The following SNAP91 variants were observed in gnomAD, a reference collection of about 807,000 sequenced individuals.
SNAP91 encodes the protein clathrin coat assembly protein AP180.
In SNAP91, 27 loss-of-function variants were observed where a neutral mutation model predicts 100.3. The observed-to-expected ratio is 0.27, with a 90% confidence interval of 0.20 to 0.37. SNAP91 has a LOEUF of 0.37. Ranked by LOEUF, SNAP91 falls within the 10% of genes least tolerant of loss-of-function variation. The pLI, the probability that SNAP91 is intolerant of heterozygous loss-of-function variation, is 1.00. For synonymous variants in SNAP91, 404 were observed against 398.6 expected, an observed-to-expected ratio of 1.01 and a Z score of -0.16; for missense variants, 986 against 1,123.7, an observed-to-expected ratio of 0.88 and a Z score of 1.75.
At chr6:83,661,023 T>G (rs1209259496) in intron 5 of SNAP91, among the ~76,000 whole-genome samples, 1 of 152,114 alleles carries the variant, frequency 6.6e-6, no homozygotes, top group African/African-American at 2.4e-5. Context: ...GCCCAGGCTG[T>G]TCTTTAACTC....
At chr6:83,621,276 T>C (rs891858669) in intron 9 of SNAP91, among the ~76,000 whole-genome samples, 4 of 152,222 alleles carry the variant, frequency 2.6e-5, no homozygotes, top group Admixed American at 2.6e-4. Context: ...TCCATGTCTC[T>C]GCAAAGTACA....
intron 2 of SNAP91, among the ~76,000 whole-genome samples, chr6:83,707,150 G>C (rs1048181429): frequency 3.3e-5 from 5 of 152,258 alleles, no homozygotes; most frequent in South Asian, 2.1e-4. Flanking sequence ...CATTTTCTGA[G>C]AATGGGACAA....
intron 16 of SNAP91, among the ~76,000 whole-genome samples, chr6:83,600,634 A>G (rs2095082728): frequency 6.6e-6 from 1 of 152,200 alleles, no homozygotes; most frequent in Non-Finnish European, 1.5e-5. Flanking sequence ...ATATTTTTAG[A>G]CAATCATTTC....
chr6:83,682,621 T>C (rs1366681070), intron 2 of SNAP91, among the ~76,000 whole-genome samples: 11 of 152,068 alleles, frequency 7.2e-5, no homozygotes, highest in Non-Finnish European at 5.9e-5. Flanking sequence ...TTAGGGTACA[T>C]GTGCACAACG....
At chr6:83,632,920 G>A (rs1418981503) in intron 8 of SNAP91, among the ~76,000 whole-genome samples, 2 of 152,182 alleles carry the variant, frequency 1.3e-5, no homozygotes, top group South Asian at 2.1e-4. Flanking sequence ...TCCATTGCTG[G>A]TGAGCTAGTG....
At chr6:83,616,420 T>C (rs2096487780) in intron 10 of SNAP91, among the ~76,000 whole-genome samples, 2 of 152,180 alleles carry the variant, frequency 1.3e-5, no homozygotes, top group Non-Finnish European at 2.9e-5. Context: ...CACAGAGGTA[T>C]GAAAATCTAG....
intron 3 of SNAP91, among the ~76,000 whole-genome samples, chr6:83,663,245 C>T (rs2098598374): frequency 6.6e-6 from 1 of 152,052 alleles, no homozygotes; most frequent in Non-Finnish European, 1.5e-5. Context: ...CTACAATGAC[C>T]TCTAGATATT....
chr6:83,592,519 T>A lies in SNAP91; in HGVS notation c.1866A>T (p.Pro622=). 6.2e-7 allele frequency: 1 copy of A among 1,609,536 alleles called. No homozygotes were observed. The highest frequency in any genetic ancestry group is 1.1e-5 in the South Asian group (1 of 89,604). The part of the protein sequence containing the change: ...DLLSVDAFAA[P]SPATTASPAK... The stretch of plus-strand genomic sequence containing the variant: ...CTGGCGAGGCAGTGGTTGCAGGAGA[T>A]GGTGCTGCAAATGCATCCACTGCAG... The change falls in exon 21 of 30, where the codon CCA becomes CCT. Residue 622 remains proline (P), a synonymous_variant. Transcript: ENST00000369694.
intron 2 of SNAP91, among the ~76,000 whole-genome samples, chr6:83,682,358 T>C (rs2099001919): frequency 6.6e-6 from 1 of 151,402 alleles, no homozygotes; most frequent in Admixed American, 6.6e-5. Flanking sequence ...TTTTTGTGTT[T>C]TTGTTTGTGT....
At chr6:83,630,142 G>A (rs1304367060) in intron 8 of SNAP91, among the ~76,000 whole-genome samples, 1 of 151,984 alleles carries the variant, frequency 6.6e-6, no homozygotes. Context: ...TGATTATGTG[G>A]TGTATCACAT....
At chr6:83,573,189 T>C (rs940705602) in intron 26 of SNAP91, among the ~76,000 whole-genome samples, 4 of 152,022 alleles carry the variant, frequency 2.6e-5, no homozygotes, top group Admixed American at 6.6e-5. Context: ...CATGAGTGAA[T>C]TCCCATTCAC....
At chr6:83,612,865 A>G (rs2096235843) in intron 11 of SNAP91, among the ~76,000 whole-genome samples, 1 of 142,952 alleles carries the variant, frequency 7.0e-6, no homozygotes, top group Admixed American at 7.4e-5. Context: ...CACTCCCTCC[A>G]GTCTAGGAGA....
Position 83,648,480 on chromosome 6 carries a change from C to G in SNAP91, c.659-7278G>C, listed in dbSNP as rs532316113. Among the ~76,000 whole-genome samples the G allele has an allele frequency of 2.0e-5, 3 of 151,638 alleles. No homozygotes were observed. The East Asian group carries it at 5.8e-4, about 29-fold the overall frequency. On this transcript the variant is annotated intron_variant, in intron 7 of 29. Transcript: ENST00000369694. ...CTTGGGTAAGCATCCAGGATATGAT[C>G]CTAGTGGGTCATAAGTTAGGTGTAT... is the stretch of plus-strand genomic sequence containing the variant.
chr6:83,593,778 G>A (rs2094128732), intron 17 of SNAP91, 37 bp from the exon 18 acceptor site: 1 of 1,527,408 alleles, frequency 6.5e-7, no homozygotes, highest in African/African-American at 1.4e-5. Context: ...CACAGCATCA[G>A]TAAGGAAAGA....
intron 7 of SNAP91, among the ~76,000 whole-genome samples, chr6:83,646,318 T>G (rs2097915027): frequency 6.6e-6 from 1 of 152,206 alleles, no homozygotes. Flanking sequence ...TCATTTAGGT[T>G]TTCTCCTATG....
In SNAP91 at chr6:83,568,393, T is replaced by C. The variant is rs567769368; in HGVS notation, c.2442+6617A>G. Reference sequence around the variant, plus strand: ...ATAGCATTAGGAGATATACCTAATGTAAATGATGAGTTAATGGGTGCAGCA... The same window carrying C: ...ATAGCATTAGGAGATATACCTAATGCAAATGATGAGTTAATGGGTGCAGCA... On this transcript the variant is annotated intron_variant, in intron 26 of 29. Transcript: ENST00000369694. Among the ~76,000 whole-genome samples, 15 of 152,110 alleles carry C rather than the reference T, an allele frequency of 9.9e-5. No individual in the cohort carries two copies. In the East Asian group the frequency reaches 2.7e-3, roughly 27 times the overall value.
chr6:83,703,831 G>A (rs2099348461), intron 2 of SNAP91, among the ~76,000 whole-genome samples: 1 of 152,104 alleles, frequency 6.6e-6, no homozygotes, highest in Non-Finnish European at 1.5e-5. Flanking sequence ...TTTTCATAAG[G>A]TTTGTTTTGA....
chr6:83,698,044 T>A (rs890813347), intron 2 of SNAP91, among the ~76,000 whole-genome samples: 2 of 152,060 alleles, frequency 1.3e-5, no homozygotes, highest in African/African-American at 4.8e-5. Flanking sequence ...GTTTTAGAAA[T>A]TAGATTTTAA....
chr6:83,656,441 G>A (rs1370195955), intron 7 of SNAP91, among the ~76,000 whole-genome samples: 1 of 152,146 alleles, frequency 6.6e-6, no homozygotes, highest in Non-Finnish European at 1.5e-5. Flanking sequence ...GATCAACACT[G>A]AGCTTTCATC....
Sources: gnomAD v4.1 joint callset for allele counts (sites outside exome capture counted in the v4.1 genomes callset) on GRCh38, gnomAD v4.1.1 for gene constraint, MANE v1.5 for transcripts, NCBI Gene and HGNC (gene_info 2026-07-23, HGNC 2026-07-21) for gene names.